TANGO6: variants seen among roughly 807,000 people sequenced by gnomAD.
TANGO6 encodes transport and golgi organization 6 homolog.
In TANGO6, 90 loss-of-function variants were observed where a neutral mutation model predicts 114.2. The ratio of observed to expected loss-of-function variants is 0.79; its 90% confidence interval spans 0.66 to 0.94. The LOEUF (loss-of-function observed/expected upper bound fraction) is 0.94, where lower values mean the gene tolerates loss of function less well. Ranked by LOEUF, TANGO6 falls within the 40% of genes least tolerant of loss-of-function variation. TANGO6 has a pLI of 0.00. For missense variants in TANGO6, 1,274 were observed against 1,315.3 expected, an observed-to-expected ratio of 0.97 and a Z score of 0.49; for synonymous variants, 477 against 509.8, an observed-to-expected ratio of 0.94 and a Z score of 0.87.
At chr16:69,001,555 G>C (rs1477710072) in intron 15 of TANGO6, among the ~76,000 whole-genome samples, 1 of 152,020 alleles carries the variant, frequency 6.6e-6, no homozygotes, top group African/African-American at 2.4e-5. Flanking sequence ...GTAGTTGTAG[G>C]ATTTCTCATT....
chr16:69,060,019 C>T (rs2152239770), intron 17 of TANGO6, among the ~76,000 whole-genome samples: 1 of 152,280 alleles, frequency 6.6e-6, no homozygotes, highest in East Asian at 1.9e-4. Context: ...AATAATCTGC[C>T]ATCCTGATTC....
At chr16:68,988,692 CTT>C (rs397855895) in intron 15 of TANGO6, among the ~76,000 whole-genome samples, 69 of 112,436 alleles carry the variant, frequency 6.1e-4, no homozygotes, top group Middle Eastern at 5.3e-3. Flanking sequence ...TTCTCTCTCT[CTT>C]TTTTTTTTTT....
intron 2 of TANGO6, among the ~76,000 whole-genome samples, chr16:68,862,198 C>T (rs1962103161): frequency 1.3e-5 from 2 of 151,550 alleles, no homozygotes. Flanking sequence ...CCACCATATC[C>T]AGCTTGCTTA....
intron 14 of TANGO6, among the ~76,000 whole-genome samples, chr16:68,944,474 G>A (rs939982256): frequency 1.3e-5 from 2 of 152,092 alleles, no homozygotes; most frequent in African/African-American, 2.4e-5. Flanking sequence ...TCTGCCAGGA[G>A]GAAAAGAGTC....
chr16:69,030,688 C>T (rs1959579459), intron 16 of TANGO6, among the ~76,000 whole-genome samples: 1 of 151,984 alleles, frequency 6.6e-6, no homozygotes, highest in South Asian at 2.1e-4. Flanking sequence ...AGGTTGTTTG[C>T]CTACCATGGG....
intron 17 of TANGO6, among the ~76,000 whole-genome samples, chr16:69,058,289 A>G (rs920853114): frequency 6.6e-6 from 1 of 152,212 alleles, no homozygotes; most frequent in Non-Finnish European, 1.5e-5. Flanking sequence ...CGCCAAATAA[A>G]TTCCATGTCC....
At chr16:69,031,217 A>T (rs989571882) in intron 16 of TANGO6, among the ~76,000 whole-genome samples, 1 of 151,998 alleles carries the variant, frequency 6.6e-6, no homozygotes, top group Non-Finnish European at 1.5e-5. Context: ...AATCCCAGGA[A>T]TGTTCATGGT....
At chr16:68,978,581 A>C (rs1963787917) in intron 15 of TANGO6, among the ~76,000 whole-genome samples, 1 of 152,166 alleles carries the variant, frequency 6.6e-6, no homozygotes, top group South Asian at 2.1e-4. Flanking sequence ...CAATTTGACA[A>C]CATAGCCAAT....
intron 2 of TANGO6, 148 bp downstream of exon 2, chr16:68,860,672 G>T: frequency 9.1e-7 from 1 of 1,097,268 alleles, no homozygotes. Context: ...GAATCTTTTG[G>T]GGGTGGGCGC....
chr16:68,904,296 T>C (rs1962821668), intron 9 of TANGO6, among the ~76,000 whole-genome samples: 1 of 152,120 alleles, frequency 6.6e-6, no homozygotes, highest in Admixed American at 6.6e-5. Context: ...TTAGGAGTAT[T>C]TGAATACAGT....
At chr16:68,988,666 A>ATAGT (rs570044404) in intron 15 of TANGO6, among the ~76,000 whole-genome samples, 5 of 148,934 alleles carry the variant, frequency 3.4e-5, no homozygotes, top group African/African-American at 1.2e-4. Flanking sequence ...TGTTTGGTGA[A>ATAGT]TAGTTAGAGT....
chr16:68,865,018 C>G (rs1014393311), intron 3 of TANGO6, among the ~76,000 whole-genome samples: 1 of 152,066 alleles, frequency 6.6e-6, no homozygotes, highest in Non-Finnish European at 1.5e-5. Context: ...TGGCTCACCC[C>G]TGTAATCCCA....
At chr16:68,869,833 A>T (rs1242063080) in intron 4 of TANGO6, among the ~76,000 whole-genome samples, 7 of 152,168 alleles carry the variant, frequency 4.6e-5, no homozygotes, top group Non-Finnish European at 1.0e-4. Context: ...AGTAGCATGT[A>T]TGAGGAACTG....
chr16:69,067,241 G>T (rs1960226082), intron 17 of TANGO6, among the ~76,000 whole-genome samples: 1 of 152,124 alleles, frequency 6.6e-6, no homozygotes, highest in Non-Finnish European at 1.5e-5. Context: ...GGGCACGGTG[G>T]CTCATGCCTG....
intron 12 of TANGO6, among the ~76,000 whole-genome samples, chr16:68,922,901 G>A (rs1963114409): frequency 6.7e-6 from 1 of 149,954 alleles, no homozygotes; most frequent in African/African-American, 2.5e-5. Flanking sequence ...AGGGGAAGGG[G>A]GCTTTAGCTT....
At chr16:68,950,440 C>T (rs1963460249) in intron 14 of TANGO6, among the ~76,000 whole-genome samples, 1 of 152,010 alleles carries the variant, frequency 6.6e-6, no homozygotes, top group Non-Finnish European at 1.5e-5. Flanking sequence ...GTATGGGTTC[C>T]TATAATCCCA....
chr16:68,913,654 C>T (rs1164372416), intron 11 of TANGO6, among the ~76,000 whole-genome samples: 2 of 151,854 alleles, frequency 1.3e-5, no homozygotes, highest in African/African-American at 4.8e-5. Context: ...GGTGATCCAC[C>T]CACCTTGGCC....
intron 14 of TANGO6, among the ~76,000 whole-genome samples, chr16:68,969,283 G>A (rs1164957303): frequency 6.6e-6 from 1 of 152,156 alleles, no homozygotes; most frequent in Non-Finnish European, 1.5e-5. Flanking sequence ...TGGGCCCATG[G>A]TCATGTGAAG....
chr16:69,024,323 G>T (rs1270181778), intron 16 of TANGO6, among the ~76,000 whole-genome samples: 1 of 151,296 alleles, frequency 6.6e-6, no homozygotes, highest in Admixed American at 6.6e-5. Flanking sequence ...CTGGAGTGCA[G>T]TGGCACGATC....
Sources: gnomAD v4.1 joint callset for allele counts (sites outside exome capture counted in the v4.1 genomes callset) on GRCh38, gnomAD v4.1.1 for gene constraint, MANE v1.5 for transcripts, NCBI Gene and HGNC (gene_info 2026-07-23, HGNC 2026-07-21) for gene names.